Variants in TMEM132D observed in about 807,000 individuals in gnomAD.
The protein encoded by TMEM132D is mature OL transmembrane protein.
A neutral mutation model predicts 62.3 loss-of-function variants in TMEM132D; 21 were observed. The ratio of observed to expected loss-of-function variants is 0.34; its 90% confidence interval spans 0.24 to 0.49. The LOEUF (loss-of-function observed/expected upper bound fraction) is 0.49, where lower values mean the gene tolerates loss of function less well. TMEM132D is among the 20% of genes least tolerant of loss of function. TMEM132D has a pLI of 0.99. For missense variants in TMEM132D, 1,346 were observed against 1,402.8 expected (o/e 0.96, Z 0.65); for synonymous variants, 621 against 575.6 (o/e 1.08, Z -1.13).
chr12:129,489,542 G>A (rs147896975), intron 3 of TMEM132D, among the ~76,000 whole-genome samples: 1 of 152,344 alleles, frequency 6.6e-6, no homozygotes, highest in East Asian at 1.9e-4. Context: ...ACTGGGCCCT[G>A]TGGTAGTGAC....
At chr12:129,807,204 C>T (rs977095828) in intron 1 of TMEM132D, among the ~76,000 whole-genome samples, 1 of 152,098 alleles carries the variant, frequency 6.6e-6, no homozygotes, top group African/African-American at 2.4e-5. Context: ...TAGCAAGGAC[C>T]CTGGAGCAGC....
chr12:129,271,075 A>G (rs1880840585), intron 4 of TMEM132D, among the ~76,000 whole-genome samples: 1 of 152,236 alleles, frequency 6.6e-6, no homozygotes, highest in South Asian at 2.1e-4. Flanking sequence ...ACTTACATAC[A>G]AAGATTTTTT....
intron 3 of TMEM132D, among the ~76,000 whole-genome samples, chr12:129,528,554 G>C (rs1157928612): frequency 6.6e-6 from 1 of 151,940 alleles, no homozygotes; most frequent in African/African-American, 2.4e-5. Flanking sequence ...CCAGTCCTTT[G>C]TGTAGACTTC....
At chr12:129,508,537 CTA>C (rs1237706833) in intron 3 of TMEM132D, among the ~76,000 whole-genome samples, 1 of 152,132 alleles carries the variant, frequency 6.6e-6, no homozygotes, top group Non-Finnish European at 1.5e-5. Flanking sequence ...GAGAAAGAGA[CTA>C]TTCAAATTCT....
intron 3 of TMEM132D, among the ~76,000 whole-genome samples, chr12:129,495,695 C>T (rs577320113): frequency 5.9e-5 from 9 of 152,262 alleles, no homozygotes; most frequent in African/African-American, 2.2e-4. Context: ...ATGGGTATGT[C>T]ACAAGCCTAA....
At chr12:129,508,222 T>C (rs1036948067) in intron 3 of TMEM132D, among the ~76,000 whole-genome samples, 2 of 152,160 alleles carry the variant, frequency 1.3e-5, no homozygotes, top group Non-Finnish European at 2.9e-5. Context: ...TAAAATACTC[T>C]CTACAAGTTA....
At chr12:129,864,372 C>T (rs763354832) in intron 1 of TMEM132D, among the ~76,000 whole-genome samples, 9 of 152,200 alleles carry the variant, frequency 5.9e-5, no homozygotes, top group Non-Finnish European at 1.0e-4. Context: ...ATAGAAACAG[C>T]AAAATCATAT....
intron 1 of TMEM132D, among the ~76,000 whole-genome samples, chr12:129,843,340 T>C (rs1873258269): frequency 1.3e-5 from 2 of 152,206 alleles, no homozygotes; most frequent in Admixed American, 6.5e-5. Context: ...AGTTTATAAA[T>C]ACGTTGTCAA....
At chr12:129,355,940 G>A (rs1271706821) in intron 3 of TMEM132D, among the ~76,000 whole-genome samples, 5 of 152,126 alleles carry the variant, frequency 3.3e-5, no homozygotes, top group African/African-American at 1.2e-4. Flanking sequence ...AAGGCAGCAG[G>A]ATCGCTTGCC....
chr12:129,081,757 A>G lies in TMEM132D; in HGVS notation c.1923+2T>C. On this transcript the variant is annotated splice_donor_variant, in intron 7 of 8. Coordinates refer to ENST00000422113, the MANE Select transcript of TMEM132D (RefSeq NM_133448.3). LOFTEE classifies it high-confidence loss of function. ...TTTGGGGATTTTTTTTTTTTTTTTT[A>G]CCTGAATGGTGGTCATCCCAAGCTC... The G allele has an allele frequency of 1.4e-6, 2 of 1,474,306 alleles. No homozygotes were observed. The highest frequency in any genetic ancestry group is 1.8e-6 in the Non-Finnish European group (2 of 1,114,566). 91.3% of individuals were successfully genotyped at this position (1,474,306 alleles called of 1,614,324 possible).
intron 3 of TMEM132D, among the ~76,000 whole-genome samples, chr12:129,527,608 A>C (rs1338092479): frequency 6.6e-6 from 1 of 152,206 alleles, no homozygotes; most frequent in Non-Finnish European, 1.5e-5. Context: ...AATCATTTAC[A>C]TATCAACCGT....
intron 3 of TMEM132D, among the ~76,000 whole-genome samples, chr12:129,426,213 T>C (rs990905342): frequency 1.3e-5 from 2 of 152,130 alleles, no homozygotes; most frequent in Non-Finnish European, 2.9e-5. Flanking sequence ...CATGACTGCC[T>C]CATGGTTATG....
At chr12:129,420,419 T>G (rs949997492) in intron 3 of TMEM132D, among the ~76,000 whole-genome samples, 9 of 149,516 alleles carry the variant, frequency 6.0e-5, no homozygotes, top group African/African-American at 2.2e-4. Context: ...AAATGAGTGC[T>G]GTCCGGTCCC....
intron 1 of TMEM132D, among the ~76,000 whole-genome samples, chr12:129,887,204 G>A (rs1361857651): frequency 6.6e-6 from 1 of 152,154 alleles, no homozygotes; most frequent in Non-Finnish European, 1.5e-5. Flanking sequence ...GGCAGGAGGA[G>A]AGGAGCCTGT....
intron 3 of TMEM132D, among the ~76,000 whole-genome samples, chr12:129,468,295 T>C (rs1231048289): frequency 6.6e-6 from 1 of 152,114 alleles, no homozygotes; most frequent in Non-Finnish European, 1.5e-5. Context: ...GAGCTCCATC[T>C]CTATCTGTAG....
chr12:129,556,780 T>G (rs1231656038), intron 2 of TMEM132D, among the ~76,000 whole-genome samples: 4 of 152,146 alleles, frequency 2.6e-5, no homozygotes, highest in African/African-American at 9.7e-5. Context: ...CAGCATCACT[T>G]TAAGAACTCA....
At chr12:129,479,445 G>A (rs185107754) in intron 3 of TMEM132D, among the ~76,000 whole-genome samples, 1 of 152,182 alleles carries the variant, frequency 6.6e-6, no homozygotes, top group East Asian at 1.9e-4. Flanking sequence ...GCACACGGCT[G>A]GCCTTCATTG....
chr12:129,884,241 C>T (rs1593198474), intron 1 of TMEM132D, among the ~76,000 whole-genome samples: 1 of 152,236 alleles, frequency 6.6e-6, no homozygotes, highest in African/African-American at 2.4e-5. Context: ...ATATCAGTTA[C>T]ATAATAGAAA....
chr12:129,403,349 T>C (rs1003602831), intron 3 of TMEM132D, among the ~76,000 whole-genome samples: 3 of 150,234 alleles, frequency 2.0e-5, no homozygotes, highest in African/African-American at 7.4e-5. Context: ...ACACATACTT[T>C]AGAATACACA....
Sources: gnomAD v4.1 joint callset for allele counts (sites outside exome capture counted in the v4.1 genomes callset) on GRCh38, gnomAD v4.1.1 for gene constraint, MANE v1.5 for transcripts, NCBI Gene and HGNC (gene_info 2026-07-23, HGNC 2026-07-21) for gene names.